Variants in MGAT4A observed in about 807,000 individuals in gnomAD.
The protein encoded by MGAT4A is alpha-1,3-mannosyl-glycoprotein 4-beta-N-acetylglucosaminyltransferase A, also known as N-acetylglucosaminyltransferase IVa.
Under a neutral mutation model 74.1 loss-of-function variants are expected in MGAT4A, and 33 were observed. The ratio of observed to expected loss-of-function variants is 0.45; its 90% confidence interval spans 0.34 to 0.60. The LOEUF is 0.60. MGAT4A is among the 20% of genes least tolerant of loss of function. The probability of loss-of-function intolerance (pLI) is 0.02; values close to 1 mark genes in which losing one functional copy is unlikely to be tolerated. For synonymous variants in MGAT4A, 198 were observed against 210.4 expected (o/e 0.94, Z 0.51); for missense variants, 479 against 628.3 (o/e 0.76, Z 2.54).
Position 98,619,569 on chromosome 2 carries a change from CAT to C in MGAT4A, c.*5995_*5996del, listed in dbSNP as rs1701015246. 6.6e-6 allele frequency: 1 copy of C among 152,186 alleles called. No homozygotes were observed. The highest frequency in any genetic ancestry group is 6.5e-5 in the Admixed American group (1 of 15,280). 9.4% of individuals were successfully genotyped at this position (152,186 alleles called of 1,614,324 possible). The stretch of plus-strand genomic sequence containing the variant: ...TGATTTCTAAATCTTTCTTAGAAAA[CAT>C]TACTGCCTACACTGAAATGAAAAGT... On this transcript the variant is annotated 3_prime_UTR_variant, in exon 16 of 16. Coordinates refer to ENST00000393487, the MANE Select transcript of MGAT4A (RefSeq NM_012214.3).
Position 98,726,321 on chromosome 2 carries a change from G to A in MGAT4A, c.12C>T (p.Arg4=). ...CTAAAGCAGTGGCTACAGTTCCATT[G>A]CGGAGCCTCATCTCATTTCACCATC... MRL[R]NGTVATALAF... The change falls in exon 2 of 16, where the codon CGC becomes CGT. Residue 4 remains arginine (R), a synonymous_variant. Transcript: ENST00000393487. The A allele has an allele frequency of 6.2e-7, 1 of 1,613,744 alleles. No individual in the cohort carries two copies. The highest frequency in any genetic ancestry group is 8.5e-7 in the Non-Finnish European group (1 of 1,179,704).
intron 2 of MGAT4A, among the ~76,000 whole-genome samples, chr2:98,708,379 T>C (rs1003577286): frequency 6.6e-6 from 1 of 152,206 alleles, no homozygotes; most frequent in Non-Finnish European, 1.5e-5. Context: ...TGTTTTATTT[T>C]AATGAAAAGC....
At chr2:98,708,509 A>G (rs1313575501) in intron 2 of MGAT4A, among the ~76,000 whole-genome samples, 3 of 152,212 alleles carry the variant, frequency 2.0e-5, no homozygotes, top group African/African-American at 7.2e-5. Flanking sequence ...ACTTTGGCAT[A>G]TATTTTGCTA....
intron 2 of MGAT4A, among the ~76,000 whole-genome samples, chr2:98,695,785 T>C (rs565867510): frequency 6.6e-6 from 1 of 152,262 alleles, no homozygotes; most frequent in South Asian, 2.1e-4. Flanking sequence ...TGGTATTTAA[T>C]CTTAACCAGG....
intron 2 of MGAT4A, among the ~76,000 whole-genome samples, chr2:98,693,635 G>A (rs1424857160): frequency 3.3e-5 from 5 of 149,376 alleles, no homozygotes; most frequent in Non-Finnish European, 4.4e-5. Flanking sequence ...TTGAGCCTTA[G>A]AGGTTAAGGC....
At chr2:98,663,480 TA>T in intron 4 of MGAT4A, 1 of 1,412,956 alleles carries the variant, frequency 7.1e-7, no homozygotes, top group East Asian at 2.6e-5. Flanking sequence ...AACTAAAACT[TA>T]AAAACACTAA....
chr2:98,696,819 A>G (rs1421589327), intron 2 of MGAT4A, among the ~76,000 whole-genome samples: 3 of 152,230 alleles, frequency 2.0e-5, no homozygotes, highest in African/African-American at 7.2e-5. Context: ...ACCATTTACT[A>G]TGGCTTTGTA....
At chr2:98,643,839 C>G in intron 10 of MGAT4A, 84 bp downstream of exon 10, 16 of 1,313,662 alleles carry the variant, frequency 1.2e-5, no homozygotes, top group Non-Finnish European at 1.6e-5. Flanking sequence ...ACCTATTTAA[C>G]TATTTATTTG....
At chr2:98,660,754 C>T (rs1464935170) in intron 5 of MGAT4A, among the ~76,000 whole-genome samples, 1 of 152,120 alleles carries the variant, frequency 6.6e-6, no homozygotes, top group Non-Finnish European at 1.5e-5. Context: ...AACTTCAACT[C>T]ACGTGAAATA....
intron 2 of MGAT4A, among the ~76,000 whole-genome samples, chr2:98,691,578 A>C (rs1702195001): frequency 6.6e-6 from 1 of 152,254 alleles, no homozygotes; most frequent in Non-Finnish European, 1.5e-5. Flanking sequence ...ACTGCCAGTC[A>C]TGTAACAGTC....
Position 98,624,505 on chromosome 2 carries a change from A to G in MGAT4A, c.*1061T>C. The G allele has an allele frequency of 1.0e-6, 1 of 969,396 alleles. No individual in the cohort carries two copies. The highest frequency in any genetic ancestry group is 1.8e-5 in the African/African-American group (1 of 56,982). 60.0% of individuals were successfully genotyped at this position (969,396 alleles called of 1,614,324 possible). A position where few individuals can be genotyped will look rare whatever the true frequency, so the allele number is the denominator to read the frequency against. On this transcript the variant is annotated 3_prime_UTR_variant, in exon 16 of 16. Coordinates refer to ENST00000393487, the MANE Select transcript of MGAT4A (RefSeq NM_012214.3). ...TTTTGGAAAATATACTACTAATAAT[A>G]TATTTCACCAAAAAACAATATTACA...
chr2:98,706,732 T>C (rs1352805135), intron 2 of MGAT4A, among the ~76,000 whole-genome samples: 1 of 151,612 alleles, frequency 6.6e-6, no homozygotes. Flanking sequence ...CATATATACA[T>C]ACATAAAAAG....
At chr2:98,646,462 G>A (rs1184704315) in intron 8 of MGAT4A, among the ~76,000 whole-genome samples, 5 of 152,094 alleles carry the variant, frequency 3.3e-5, no homozygotes, top group African/African-American at 7.2e-5. Context: ...CCAGCACTTC[G>A]GGGGGCCCAA....
chr2:98,658,213 CT>C lies in MGAT4A; in HGVS notation c.584+4del. ...TTTGTATGTTTATAATTAAGAAGAACTTACTCTTTCTCCAGGTTGGCTACAA... is the reference window on the plus strand; with the variant it reads ...TTTGTATGTTTATAATTAAGAAGAACTACTCTTTCTCCAGGTTGGCTACAA... On this transcript the variant is annotated splice_donor_region_variant and intron_variant, in intron 6 of 15. Transcript: ENST00000393487. The C allele has an allele frequency of 6.4e-7, 1 of 1,556,452 alleles. No homozygotes were observed. The highest frequency in any genetic ancestry group is 8.8e-7 in the Non-Finnish European group (1 of 1,139,250).
chr2:98,727,155 T>C (rs949209029), intron 1 of MGAT4A, among the ~76,000 whole-genome samples: 2 of 152,234 alleles, frequency 1.3e-5, no homozygotes, highest in Middle Eastern at 3.2e-3. Context: ...TTATAACTGC[T>C]GTTTATCACT....
chr2:98,659,479 C>T (rs914082478), intron 5 of MGAT4A, among the ~76,000 whole-genome samples: 3 of 152,134 alleles, frequency 2.0e-5, no homozygotes, highest in Admixed American at 6.5e-5. Flanking sequence ...TTGAGCCAGC[C>T]AGAGCCCTAT....
In MGAT4A at chr2:98,726,431, T is replaced by C. The variant is rs1190325485; in HGVS notation, c.-99A>G. ...GTCAACTGAATGCAGTACTCCTGGC[T>C]CTAGGCCAATAAAAATCAATAAGAG... On this transcript the variant is annotated 5_prime_UTR_variant, in exon 2 of 16. Transcript: ENST00000393487. 8.9e-5 allele frequency: 78 copies of C among 875,390 alleles called. No homozygotes were observed. Among genetic ancestry groups the C allele is most frequent in the Non-Finnish European group, 2.1e-5 (12 of 569,212 alleles). The allele number at this position is 875,390 out of a possible 1,614,324, so 54.2% of individuals were successfully genotyped here.
chr2:98,642,831 G>A (rs567345056), intron 10 of MGAT4A, among the ~76,000 whole-genome samples: 5 of 152,250 alleles, frequency 3.3e-5, no homozygotes, highest in Admixed American at 6.5e-5. Flanking sequence ...AACTAAGAAT[G>A]TGTTGGGGTT....
chr2:98,621,834 T>G lies in MGAT4A; in HGVS notation c.*3732A>C. 1 of 1,038,988 alleles carries G rather than the reference T, an allele frequency of 9.6e-7. No individual in the cohort carries two copies. Among genetic ancestry groups the G allele is most frequent in the Non-Finnish European group, 1.2e-6 (1 of 864,558 alleles). The allele number at this position is 1,038,988 out of a possible 1,614,324, so 64.4% of individuals were successfully genotyped here. A position where few individuals can be genotyped will look rare whatever the true frequency, so the allele number is the denominator to read the frequency against. ...AGGCCTTCATAATTTTGCTTATAGT[T>G]TTAAAAATAACAACACCTTCTAATT... is the stretch of plus-strand genomic sequence containing the variant. On this transcript the variant is annotated 3_prime_UTR_variant, in exon 16 of 16. Coordinates refer to ENST00000393487, the MANE Select transcript of MGAT4A (RefSeq NM_012214.3).
Sources: gnomAD v4.1 joint callset for allele counts (sites outside exome capture counted in the v4.1 genomes callset) on GRCh38, gnomAD v4.1.1 for gene constraint, MANE v1.5 for transcripts, NCBI Gene and HGNC (gene_info 2026-07-23, HGNC 2026-07-21) for gene names.